Variants in NAV3 observed in about 807,000 individuals in gnomAD.
NAV3 encodes the protein pore membrane and/or filament interacting like protein 1.
Under a neutral mutation model 244.7 loss-of-function variants are expected in NAV3, and 87 were observed. That is an observed-to-expected ratio of 0.36 (90% confidence interval 0.30 to 0.42). The LOEUF (loss-of-function observed/expected upper bound fraction) is 0.42. Among genes scored for constraint, NAV3 ranks in the 20% least tolerant of loss-of-function variants. The pLI, the probability that NAV3 is intolerant of heterozygous loss-of-function variation, is 1.00. For synonymous variants in NAV3, 1,126 were observed against 1,042.2 expected, an observed-to-expected ratio of 1.08 and a Z score of -1.55; for missense variants, 2,663 against 2,893.3, an observed-to-expected ratio of 0.92 and a Z score of 1.83.
chr12:78,123,342 T>A (rs935099910), intron 16 of NAV3, among the ~76,000 whole-genome samples: 12 of 127,502 alleles, frequency 9.4e-5, no homozygotes, highest in African/African-American at 1.7e-4. Context: ...CTGTTTTTTT[T>A]ATTTTTTTTT....
intron 1 of NAV3, among the ~76,000 whole-genome samples, chr12:77,906,631 A>G (rs1886007959): frequency 6.6e-6 from 1 of 152,088 alleles, no homozygotes; most frequent in South Asian, 2.1e-4. Flanking sequence ...TCTGAGTTCA[A>G]ATCTCAGTGG....
chr12:77,828,534 G>A (rs141243827), upstream of NAV3, among the ~76,000 whole-genome samples: 286 of 151,992 alleles, frequency 1.9e-3, 2 homozygotes, highest in African/African-American at 6.6e-3. Flanking sequence ...CATCTACAAG[G>A]TATCAGTGAC....
intron 9 of NAV3, among the ~76,000 whole-genome samples, chr12:78,047,846 G>T (rs545175814): frequency 1.3e-5 from 2 of 152,278 alleles, no homozygotes; most frequent in Admixed American, 6.5e-5. Flanking sequence ...AGGTATACCA[G>T]TCAAACCTAG....
intron 34 of NAV3, among the ~76,000 whole-genome samples, chr12:78,193,643 A>C (rs1314101768): frequency 6.6e-6 from 1 of 152,110 alleles, no homozygotes; most frequent in Non-Finnish European, 1.5e-5. Context: ...TTTCATTTTC[A>C]TCAAGCTAGA....
At chr12:77,944,647 G>C (rs1429164316) in intron 3 of NAV3, among the ~76,000 whole-genome samples, 1 of 152,064 alleles carries the variant, frequency 6.6e-6, no homozygotes, top group African/African-American at 2.4e-5. Context: ...GGTAATATTT[G>C]AAACCATGGA....
chr12:78,118,000 G>GTTT, intron 13 of NAV3, 27 bp from the exon 14 acceptor site: 1 of 1,524,626 alleles, frequency 6.6e-7, no homozygotes, highest in Non-Finnish European at 8.8e-7. Flanking sequence ...TCTACATAAA[G>GTTT]TTTTTCTGTA....
intron 2 of NAV3, among the ~76,000 whole-genome samples, chr12:77,811,378 A>T (rs531953934): frequency 7.9e-5 from 12 of 152,342 alleles, no homozygotes; most frequent in Non-Finnish European, 1.6e-4. Context: ...TTAAGAGAGT[A>T]TATTATAAAG....
chr12:77,668,637 G>A (rs1220990495), intron 2 of NAV3, among the ~76,000 whole-genome samples: 1 of 152,130 alleles, frequency 6.6e-6, no homozygotes, highest in Non-Finnish European at 1.5e-5. Flanking sequence ...CCTCCAAGAA[G>A]TATAGGACTA....
chr12:77,852,887 G>T (rs1051771239), intron 1 of NAV3, among the ~76,000 whole-genome samples: 2 of 152,044 alleles, frequency 1.3e-5, no homozygotes, highest in Non-Finnish European at 2.9e-5. Context: ...TTTAATGTGG[G>T]CATTTGGATA....
At chr12:78,010,817 G>A (rs1875142933) in intron 8 of NAV3, 1 of 151,992 alleles carries the variant, frequency 6.6e-6, no homozygotes, top group Non-Finnish European at 1.5e-5. Flanking sequence ...GATGGCTGAT[G>A]GTGACTTTTT....
chr12:77,844,034 A>G (rs1430071727), intron 1 of NAV3, among the ~76,000 whole-genome samples: 1 of 152,188 alleles, frequency 6.6e-6, no homozygotes, highest in South Asian at 2.1e-4. Flanking sequence ...TGAGCTGTTG[A>G]GCTGTTAAGA....
At chr12:78,095,064 T>TATATATATATAC (rs1272776469) in intron 12 of NAV3, among the ~76,000 whole-genome samples, 1 of 137,578 alleles carries the variant, frequency 7.3e-6, no homozygotes, top group African/African-American at 2.7e-5. Context: ...TATATATATA[T>TATATATATATAC]ACACACACAC....
intron 12 of NAV3, among the ~76,000 whole-genome samples, chr12:78,063,673 TC>T (rs2137488488): frequency 6.6e-6 from 1 of 152,234 alleles, no homozygotes; most frequent in Non-Finnish European, 1.5e-5. Context: ...AAACAGTTAC[TC>T]CTACCTGGGA....
chr12:78,203,635 T>G (rs1959974189), intron 38 of NAV3, among the ~76,000 whole-genome samples: 1 of 152,032 alleles, frequency 6.6e-6, no homozygotes, highest in South Asian at 2.1e-4. Flanking sequence ...TTGTCTTTAC[T>G]GAACCAAAAC....
intron 3 of NAV3, among the ~76,000 whole-genome samples, chr12:77,948,575 CATT>C (rs1048912519): frequency 1.2e-4 from 18 of 151,468 alleles, no homozygotes; most frequent in Admixed American, 3.3e-4. Flanking sequence ...AAAATACAAT[CATT>C]GTATTTGAAG....
intron 23 of NAV3, among the ~76,000 whole-genome samples, chr12:78,160,384 TGTGTGTGTGTGTGTGCGTGC>T (rs1325362107): frequency 4.8e-4 from 41 of 85,302 alleles, no homozygotes; most frequent in African/African-American, 1.6e-3. Flanking sequence ...ATGGAGTGTG[TGTGTGTGTGTGTGTGCGTGC>T]GTGTGTGTGT....
intron 2 of NAV3, among the ~76,000 whole-genome samples, chr12:77,676,381 C>T (rs898556953): frequency 1.3e-5 from 2 of 152,126 alleles, no homozygotes; most frequent in African/African-American, 4.8e-5. Context: ...TCCATGGCCT[C>T]TTCCAGGCAG....
intron 2 of NAV3, among the ~76,000 whole-genome samples, chr12:77,620,978 T>C (rs1391159930): frequency 6.6e-6 from 1 of 152,190 alleles, no homozygotes; most frequent in Non-Finnish European, 1.5e-5. Context: ...GCAGATGTGG[T>C]GGCACAAGTG....
chr12:77,661,611 A>G (rs1873452591), intron 2 of NAV3, among the ~76,000 whole-genome samples: 1 of 152,036 alleles, frequency 6.6e-6, no homozygotes, highest in Non-Finnish European at 1.5e-5. Context: ...ATATCTAAGA[A>G]ATCTTTGCTT....
Sources: allele counts gnomAD v4.1 joint callset (sites outside exome capture counted in the v4.1 genomes callset), GRCh38; gene constraint gnomAD v4.1.1; transcripts MANE v1.5; gene names NCBI Gene and HGNC (gene_info 2026-07-23, HGNC 2026-07-21).